Variants in GPC5 observed in about 807,000 individuals in gnomAD.
The protein encoded by GPC5 is glypican 5.
In GPC5, 47 loss-of-function variants were observed where a neutral mutation model predicts 53.9. The observed-to-expected ratio is 0.87, with a 90% CI of 0.69 to 1.11. GPC5 has a LOEUF of 1.11. GPC5 is among the 50% of genes most tolerant of loss of function. The pLI, the probability that GPC5 is intolerant of heterozygous loss-of-function variation, is 0.00. For missense variants in GPC5, 748 were observed against 713.1 expected, an observed-to-expected ratio of 1.05 and a Z score of -0.56; for synonymous variants, 286 against 263.3, an observed-to-expected ratio of 1.09 and a Z score of -0.84.
intron 6 of GPC5, among the ~76,000 whole-genome samples, chr13:91,972,495 T>C (rs1200603146): frequency 1.3e-5 from 2 of 152,230 alleles, no homozygotes; most frequent in Non-Finnish European, 1.5e-5. Context: ...ATGTGTGAAT[T>C]TGATCCTGTC....
chr13:92,084,115 C>T (rs2041317947), intron 6 of GPC5, among the ~76,000 whole-genome samples: 1 of 152,176 alleles, frequency 6.6e-6, no homozygotes, highest in East Asian at 1.9e-4. Context: ...CACACTGGGA[C>T]CTATCCGGTG....
intron 5 of GPC5, among the ~76,000 whole-genome samples, chr13:91,821,092 A>G (rs1351148438): frequency 1.3e-5 from 2 of 152,186 alleles, no homozygotes; most frequent in Non-Finnish European, 2.9e-5. Flanking sequence ...TCATATTGTA[A>G]TGTTTCAACT....
chr13:91,499,512 G>A (rs994435856), intron 2 of GPC5, among the ~76,000 whole-genome samples: 4 of 152,130 alleles, frequency 2.6e-5, no homozygotes, highest in Non-Finnish European at 5.9e-5. Context: ...CTTTGAAAAC[G>A]AAGCTTTCTT....
intron 7 of GPC5, among the ~76,000 whole-genome samples, chr13:92,746,111 C>T (rs1889236495): frequency 6.6e-6 from 1 of 151,896 alleles, no homozygotes; most frequent in South Asian, 2.1e-4. Context: ...AAGATTGGGC[C>T]CCATCCTGTC....
chr13:92,540,819 T>C (rs1881908766), intron 7 of GPC5, among the ~76,000 whole-genome samples: 1 of 151,886 alleles, frequency 6.6e-6, no homozygotes, highest in Non-Finnish European at 1.5e-5. Context: ...TGTATGACCA[T>C]TGTCCTTACA....
At chr13:92,585,936 G>A (rs887082783) in intron 7 of GPC5, among the ~76,000 whole-genome samples, 4 of 152,204 alleles carry the variant, frequency 2.6e-5, no homozygotes, top group African/African-American at 7.2e-5. Flanking sequence ...AAGTGCAACT[G>A]TAAGTCCAGT....
chr13:91,669,162 T>TATG (rs921459928), intron 2 of GPC5, among the ~76,000 whole-genome samples: 8 of 151,978 alleles, frequency 5.3e-5, no homozygotes, highest in Non-Finnish European at 1.2e-4. Context: ...GGTTACATTG[T>TATG]ATGAAGGGTT....
At chr13:92,110,111 G>C (rs1249055469) in intron 6 of GPC5, among the ~76,000 whole-genome samples, 1 of 152,166 alleles carries the variant, frequency 6.6e-6, no homozygotes, top group Non-Finnish European at 1.5e-5. Flanking sequence ...AATGGGAAAA[G>C]CTGCAGACTG....
chr13:92,596,874 A>C (rs1264292596), intron 7 of GPC5, among the ~76,000 whole-genome samples: 3 of 152,224 alleles, frequency 2.0e-5, no homozygotes, highest in Admixed American at 2.0e-4. Context: ...CGACATTAAA[A>C]GAAAATTGAA....
At chr13:92,369,066 A>C (rs1355840253) in intron 7 of GPC5, among the ~76,000 whole-genome samples, 1 of 152,246 alleles carries the variant, frequency 6.6e-6, no homozygotes, top group Admixed American at 6.5e-5. Flanking sequence ...ACAATAACAA[A>C]TAAGATGCAA....
intron 5 of GPC5, among the ~76,000 whole-genome samples, chr13:91,834,052 G>T (rs565263347): frequency 6.6e-6 from 1 of 152,198 alleles, no homozygotes; most frequent in East Asian, 1.9e-4. Flanking sequence ...AAAGTCTCAG[G>T]ATACAAAATC....
intron 6 of GPC5, among the ~76,000 whole-genome samples, chr13:91,922,618 ATTC>A (rs1158418846): frequency 6.6e-6 from 1 of 152,208 alleles, no homozygotes; most frequent in East Asian, 1.9e-4. Context: ...GAACACATGT[ATTC>A]TTATGTTCCT....
intron 7 of GPC5, among the ~76,000 whole-genome samples, chr13:92,299,103 G>A (rs1045544135): frequency 6.6e-6 from 1 of 152,098 alleles, no homozygotes; most frequent in Non-Finnish European, 1.5e-5. Flanking sequence ...GAATTGTAAA[G>A]AGTGCCTTTA....
intron 7 of GPC5, among the ~76,000 whole-genome samples, chr13:92,527,225 G>GAAAGAAAGAAAGAA (rs1881370840): frequency 2.7e-5 from 1 of 37,640 alleles, no homozygotes; most frequent in Admixed American, 3.4e-4. Context: ...AAGAAAGAAA[G>GAAAGAAAGAAAGAA]AAAGAAAGAA....
At chr13:92,756,985 A>T (rs1874908740) in intron 7 of GPC5, among the ~76,000 whole-genome samples, 1 of 152,008 alleles carries the variant, frequency 6.6e-6, no homozygotes. Flanking sequence ...AAACTATTTT[A>T]AAGTTCATAT....
At chr13:92,645,962 C>T in intron 7 of GPC5, among the ~76,000 whole-genome samples, 1 of 151,914 alleles carries the variant, frequency 6.6e-6, no homozygotes. Flanking sequence ...TATTTTCTCC[C>T]ATTCTGTGGA....
intron 7 of GPC5, among the ~76,000 whole-genome samples, chr13:92,728,564 T>C (rs952791110): frequency 5.3e-5 from 8 of 149,996 alleles, no homozygotes; most frequent in Admixed American, 2.0e-4. Flanking sequence ...TGTATTAAAA[T>C]ACTTTCCACT....
At chr13:92,695,697 A>G (rs1425018467) in intron 7 of GPC5, among the ~76,000 whole-genome samples, 1 of 150,544 alleles carries the variant, frequency 6.6e-6, no homozygotes, top group Admixed American at 6.6e-5. Flanking sequence ...TAAAAATTTT[A>G]TGAGTTTTTT....
chr13:92,848,359 T>C (rs1482267720), intron 7 of GPC5, among the ~76,000 whole-genome samples: 1 of 152,092 alleles, frequency 6.6e-6, no homozygotes, highest in Non-Finnish European at 1.5e-5. Context: ...TCTCCTAGCA[T>C]GAATTCTGTG....
Sources: allele counts gnomAD v4.1 joint callset (sites outside exome capture counted in the v4.1 genomes callset), GRCh38; gene constraint gnomAD v4.1.1; transcripts MANE v1.5; gene names NCBI Gene and HGNC (gene_info 2026-07-23, HGNC 2026-07-21).